The following TBC1D14 variants were observed in gnomAD, a reference collection of about 807,000 sequenced individuals.
TBC1D14 encodes TBC1 domain family member 14, also known as TBC1 domain family, member 14.
Under a neutral mutation model 79.0 loss-of-function variants are expected in TBC1D14, and 26 were observed. The ratio of observed to expected loss-of-function variants is 0.33; its 90% CI spans 0.24 to 0.46. The LOEUF (loss-of-function observed/expected upper bound fraction) is 0.46. Among genes scored for constraint, TBC1D14 ranks in the 20% least tolerant of loss-of-function variants. TBC1D14 has a pLI of 1.00. For missense variants in TBC1D14, 769 were observed against 887.6 expected (o/e 0.87, Z 1.70); for synonymous variants, 394 against 349.9 (o/e 1.13, Z -1.40).
chr4:6,921,075 C>T (rs11724198), intron 1 of TBC1D14, among the ~76,000 whole-genome samples: 136,574 of 152,312 alleles, frequency 0.9, 62,629 homozygotes, highest in East Asian at 1. Context: ...CCACTGCACC[C>T]GGCCATTTTA....
chr4:6,987,239 C>T (rs938918758), intron 3 of TBC1D14: 377 of 1,260,790 alleles, frequency 3.0e-4, no homozygotes, highest in Non-Finnish European at 3.5e-4. Flanking sequence ...TCTGAGGAGC[C>T]GCCGCGTCCG....
At chr4:7,022,442 G>A (rs1205785418) in intron 12 of TBC1D14, among the ~76,000 whole-genome samples, 1 of 152,248 alleles carries the variant, frequency 6.6e-6, no homozygotes, top group Non-Finnish European at 1.5e-5. Context: ...GCCTCATGAA[G>A]GAGGGTGCGT....
At chr4:6,933,617 T>C (rs1712005977) in intron 2 of TBC1D14, among the ~76,000 whole-genome samples, 1 of 152,060 alleles carries the variant, frequency 6.6e-6, no homozygotes, top group Non-Finnish European at 1.5e-5. Flanking sequence ...CTACCTCTGT[T>C]TCTTAAAGTC....
At chr4:6,930,756 C>T (rs994991984) in intron 2 of TBC1D14, among the ~76,000 whole-genome samples, 1 of 150,596 alleles carries the variant, frequency 6.6e-6, no homozygotes, top group African/African-American at 2.4e-5. Flanking sequence ...TGAGATAGTG[C>T]CATTGCACTC....
chr4:7,009,257 T>C (rs1272929173), intron 9 of TBC1D14, among the ~76,000 whole-genome samples: 1 of 152,252 alleles, frequency 6.6e-6, no homozygotes, highest in Non-Finnish European at 1.5e-5. Flanking sequence ...ATCTCTGCAC[T>C]TTCTTCTGTG....
At chr4:6,911,890 T>G (rs368883907) in intron 1 of TBC1D14, among the ~76,000 whole-genome samples, 3 of 152,204 alleles carry the variant, frequency 2.0e-5, no homozygotes, top group African/African-American at 7.2e-5. Flanking sequence ...TTGTTGTCAG[T>G]ATAAACATTA....
chr4:6,935,643 G>A (rs1217681052), intron 2 of TBC1D14, among the ~76,000 whole-genome samples: 1 of 125,130 alleles, frequency 8.0e-6, no homozygotes, highest in Non-Finnish European at 1.7e-5. Context: ...TTGTGTGTGA[G>A]TGTACTTTTT....
intron 6 of TBC1D14, among the ~76,000 whole-genome samples, chr4:7,000,143 A>G (rs989993690): frequency 6.6e-6 from 1 of 151,914 alleles, no homozygotes; most frequent in Non-Finnish European, 1.5e-5. Flanking sequence ...GTCAGGAAAC[A>G]CTTTATACCT....
At chr4:7,026,174 A>C (rs531485167) in intron 13 of TBC1D14, among the ~76,000 whole-genome samples, 60 of 150,626 alleles carry the variant, frequency 4.0e-4, no homozygotes, top group African/African-American at 1.4e-3. Context: ...TTTTAATGGA[A>C]GATTTAAAAT....
At chr4:6,994,139 C>G (rs892956793) in intron 3 of TBC1D14, 45 bp from the exon 4 acceptor site, 6 of 1,496,124 alleles carry the variant, frequency 4.0e-6, no homozygotes, top group Non-Finnish European at 5.6e-6. Context: ...AGGACTTCAT[C>G]CTATCTGAAA....
chr4:7,000,625 A>C (rs1356229298), intron 6 of TBC1D14, among the ~76,000 whole-genome samples: 2 of 152,146 alleles, frequency 1.3e-5, no homozygotes. Context: ...CAATGTTCTG[A>C]GTCAGCAGTT....
At chr4:6,961,776 G>A (rs1335318672) in intron 2 of TBC1D14, among the ~76,000 whole-genome samples, 1 of 152,168 alleles carries the variant, frequency 6.6e-6, no homozygotes, top group Non-Finnish European at 1.5e-5. Flanking sequence ...CTGAAGGAGG[G>A]GCAAGGCAGG....
intron 13 of TBC1D14, among the ~76,000 whole-genome samples, chr4:7,027,217 A>C (rs1453552936): frequency 6.6e-6 from 1 of 151,784 alleles, no homozygotes; most frequent in Admixed American, 6.6e-5. Flanking sequence ...TCTCAAAAAA[A>C]CCCCAAAAAA....
chr4:6,997,008 A>T (rs1171498532), intron 5 of TBC1D14: 1 of 152,252 alleles, frequency 6.6e-6, no homozygotes, highest in Admixed American at 6.5e-5. Flanking sequence ...AAAATATATA[A>T]CATGGATGTG....
At chr4:7,002,370 C>T (rs567968171) in intron 7 of TBC1D14, among the ~76,000 whole-genome samples, 1 of 152,334 alleles carries the variant, frequency 6.6e-6, no homozygotes, top group East Asian at 1.9e-4. Flanking sequence ...ACTCTTGTCT[C>T]TGCAGATTGG....
chr4:6,953,196 T>C (rs1714225661), intron 2 of TBC1D14, among the ~76,000 whole-genome samples: 1 of 150,054 alleles, frequency 6.7e-6, no homozygotes, highest in Non-Finnish European at 1.5e-5. Context: ...AGCTAATTTT[T>C]GTATTTTTAG....
At chr4:6,986,799 G>A (rs1717873085) in intron 3 of TBC1D14, among the ~76,000 whole-genome samples, 1 of 152,210 alleles carries the variant, frequency 6.6e-6, no homozygotes, top group Non-Finnish European at 1.5e-5. Context: ...GCAGCCCCGG[G>A]GCGCCTGTTC....
At chr4:7,019,309 C>T (rs959345391) in intron 12 of TBC1D14, among the ~76,000 whole-genome samples, 3 of 152,120 alleles carry the variant, frequency 2.0e-5, no homozygotes, top group African/African-American at 7.2e-5. Context: ...CGTGAGCAAC[C>T]GCGCCCAGCT....
chr4:7,004,349 C>G (rs531845654), intron 7 of TBC1D14, among the ~76,000 whole-genome samples: 1 of 152,262 alleles, frequency 6.6e-6, no homozygotes, highest in Non-Finnish European at 1.5e-5. Context: ...GGCAGCAAGA[C>G]GAGGCCTGTG....
Sources: allele counts gnomAD v4.1 joint callset (sites outside exome capture counted in the v4.1 genomes callset), GRCh38; gene constraint gnomAD v4.1.1; transcripts MANE v1.5; gene names NCBI Gene and HGNC (gene_info 2026-07-23, HGNC 2026-07-21).